Variants in DENND1A observed in about 807,000 individuals in gnomAD.
DENND1A encodes DENN domain-containing protein 1A.
Under a neutral mutation model 113.7 loss-of-function variants are expected in DENND1A, and 51 were observed. That is an observed-to-expected ratio of 0.45 (90% CI 0.36 to 0.57). The LOEUF (loss-of-function observed/expected upper bound fraction) is 0.57, where lower values mean the gene tolerates loss of function less well. DENND1A is among the 20% of genes least tolerant of loss of function. The pLI, the probability that DENND1A is intolerant of heterozygous loss-of-function variation, is 0.00. For synonymous variants in DENND1A, 565 were observed against 570.8 expected, an observed-to-expected ratio of 0.99 and a Z score of 0.14; for missense variants, 1,258 against 1,395.9, an observed-to-expected ratio of 0.90 and a Z score of 1.57.
intron 5 of DENND1A, among the ~76,000 whole-genome samples, chr9:123,750,012 G>A (rs993146330): frequency 6.6e-6 from 1 of 152,166 alleles, no homozygotes; most frequent in Admixed American, 6.5e-5. Flanking sequence ...GTGCCAGGCT[G>A]GTGTCCTCTG....
intron 19 of DENND1A, among the ~76,000 whole-genome samples, chr9:123,433,623 A>C (rs2046302177): frequency 6.6e-6 from 1 of 152,154 alleles, no homozygotes; most frequent in Non-Finnish European, 1.5e-5. Context: ...CAAATTTTCC[A>C]ACTTTCCCAA....
intron 7 of DENND1A, 93 bp downstream of exon 7, chr9:123,671,198 G>A (rs974663830): frequency 1.6e-5 from 24 of 1,465,100 alleles, no homozygotes; most frequent in Non-Finnish European, 2.2e-5. Context: ...GGGGAGGTAT[G>A]GCTGACAAAA....
chr9:123,417,691 A>G (rs1489681260), intron 19 of DENND1A, among the ~76,000 whole-genome samples: 1 of 152,208 alleles, frequency 6.6e-6, no homozygotes, highest in Non-Finnish European at 1.5e-5. Context: ...ATGAGAGAGT[A>G]ACTGTCACCT....
At chr9:123,383,354 G>A (rs2130868977) in intron 23 of DENND1A, among the ~76,000 whole-genome samples, 1 of 152,346 alleles carries the variant, frequency 6.6e-6, no homozygotes, top group Middle Eastern at 3.4e-3. Context: ...AGCAGGGGCT[G>A]CAGCCCTGCC....
chr9:123,392,403 G>T (rs527478708), intron 21 of DENND1A, among the ~76,000 whole-genome samples: 1 of 152,306 alleles, frequency 6.6e-6, no homozygotes, highest in South Asian at 2.1e-4. Context: ...GTGGTGAAGG[G>T]GAGCTGGTGA....
chr9:123,561,854 C>T (rs1433324396), intron 12 of DENND1A, among the ~76,000 whole-genome samples: 1 of 152,142 alleles, frequency 6.6e-6, no homozygotes, highest in Non-Finnish European at 1.5e-5. Flanking sequence ...ATGTCAGATT[C>T]CCTACTTCTC....
intron 5 of DENND1A, among the ~76,000 whole-genome samples, chr9:123,708,982 C>T (rs186666221): frequency 6.6e-6 from 1 of 152,272 alleles, no homozygotes; most frequent in African/African-American, 2.4e-5. Context: ...TGGGATAACT[C>T]CCCCGCCTCA....
At chr9:123,640,943 T>C (rs1379352843) in intron 9 of DENND1A, among the ~76,000 whole-genome samples, 1 of 152,244 alleles carries the variant, frequency 6.6e-6, no homozygotes, top group Non-Finnish European at 1.5e-5. Flanking sequence ...GTCTTTTTTC[T>C]TGGGAAAAGA....
intron 11 of DENND1A, among the ~76,000 whole-genome samples, chr9:123,584,165 A>G (rs1282541517): frequency 6.6e-6 from 1 of 152,226 alleles, no homozygotes; most frequent in African/African-American, 2.4e-5. Context: ...CTTTTGAGTC[A>G]GAGGCATTAG....
intron 21 of DENND1A, among the ~76,000 whole-genome samples, chr9:123,394,187 G>A (rs1157035986): frequency 6.6e-6 from 1 of 152,030 alleles, no homozygotes; most frequent in Non-Finnish European, 1.5e-5. Flanking sequence ...TAGTAGAGAT[G>A]GGGTTTCACC....
intron 1 of DENND1A, among the ~76,000 whole-genome samples, chr9:123,925,785 C>T (rs115539808): frequency 7.4e-4 from 112 of 152,332 alleles, no homozygotes; most frequent in African/African-American, 2.6e-3. Context: ...GACAGGTATA[C>T]AGGCTAATGT....
At chr9:123,578,027 T>C (rs565889711) in intron 12 of DENND1A, among the ~76,000 whole-genome samples, 2 of 152,328 alleles carry the variant, frequency 1.3e-5, no homozygotes, top group Non-Finnish European at 2.9e-5. Context: ...GTTCATCTTA[T>C]AGTTTCCTGT....
At chr9:123,776,607 G>C (rs1185676869) in intron 3 of DENND1A, among the ~76,000 whole-genome samples, 1 of 152,078 alleles carries the variant, frequency 6.6e-6, no homozygotes, top group Admixed American at 6.5e-5. Context: ...TCAGAATCTT[G>C]AAAGCCTATT....
At chr9:123,469,787 G>C (rs999886512) in intron 13 of DENND1A, among the ~76,000 whole-genome samples, 8 of 152,182 alleles carry the variant, frequency 5.3e-5, no homozygotes, top group South Asian at 2.1e-4. Flanking sequence ...ACAGCATCGC[G>C]TGAGGTAGGT....
At chr9:123,471,090 G>A (rs374869223) in intron 13 of DENND1A, among the ~76,000 whole-genome samples, 1 of 152,330 alleles carries the variant, frequency 6.6e-6, no homozygotes, top group South Asian at 2.1e-4. Context: ...GCTTTCTAAT[G>A]TGAATGTGTT....
chr9:123,519,241 G>GT (rs1322846516), intron 13 of DENND1A, among the ~76,000 whole-genome samples: 1 of 152,134 alleles, frequency 6.6e-6, no homozygotes, highest in Non-Finnish European at 1.5e-5. Flanking sequence ...GTTTACTATT[G>GT]TATTTCCCTA....
At chr9:123,871,542 A>G (rs1472359829) in intron 2 of DENND1A, among the ~76,000 whole-genome samples, 1 of 152,242 alleles carries the variant, frequency 6.6e-6, no homozygotes, top group Non-Finnish European at 1.5e-5. Context: ...CAATATTTTA[A>G]GTCAGCAAAA....
intron 12 of DENND1A, among the ~76,000 whole-genome samples, chr9:123,577,372 T>C (rs1000315481): frequency 4.6e-5 from 7 of 152,240 alleles, no homozygotes; most frequent in African/African-American, 1.7e-4. Context: ...CAGGTCTTCC[T>C]TTAAATTCAT....
chr9:123,818,135 C>A (rs533132969), intron 2 of DENND1A, among the ~76,000 whole-genome samples: 28 of 152,178 alleles, frequency 1.8e-4, no homozygotes, highest in East Asian at 1.4e-3. Context: ...CAGAGTCTCG[C>A]TGTCGCCCAG....
Sources: gnomAD v4.1 joint callset for allele counts (sites outside exome capture counted in the v4.1 genomes callset) on GRCh38, gnomAD v4.1.1 for gene constraint, MANE v1.5 for transcripts, NCBI Gene and HGNC (gene_info 2026-07-23, HGNC 2026-07-21) for gene names.